The following NTRK2 variants were observed in gnomAD, a reference collection of about 807,000 sequenced individuals.
The protein encoded by NTRK2 is neurotrophic receptor tyrosine kinase 2.
Under a neutral mutation model 94.5 loss-of-function variants are expected in NTRK2, and 13 were observed. The observed-to-expected ratio is 0.14, with a 90% CI of 0.09 to 0.22. The LOEUF is 0.22. Among genes scored for constraint, NTRK2 ranks in the 10% least tolerant of loss-of-function variants. NTRK2 has a pLI of 1.00. For missense variants in NTRK2, 639 were observed against 1,071.2 expected (o/e 0.60, Z 5.63); for synonymous variants, 372 against 407.4 (o/e 0.91, Z 1.05).
chr9:84,982,682 A>T (rs953812926), intron 17 of NTRK2, among the ~76,000 whole-genome samples: 1 of 152,334 alleles, frequency 6.6e-6, no homozygotes, highest in Admixed American at 6.5e-5. Flanking sequence ...TTTTGTACAC[A>T]TTCCATATAA....
intron 4 of NTRK2, among the ~76,000 whole-genome samples, chr9:84,706,608 C>T (rs1481675158): frequency 1.4e-5 from 2 of 145,760 alleles, no homozygotes; most frequent in Non-Finnish European, 3.0e-5. Flanking sequence ...CTGCTCACTG[C>T]AAGCTCTGCC....
chr9:84,742,810 T>G (rs937991202), intron 10 of NTRK2, among the ~76,000 whole-genome samples: 2 of 61,824 alleles, frequency 3.2e-5, no homozygotes, highest in Non-Finnish European at 8.0e-5. Flanking sequence ...TTTTTTTTTT[T>G]TTTTTTCCGA....
At chr9:84,815,694 G>T (rs201804943) in intron 12 of NTRK2, 679 of 1,009,524 alleles carry the variant, frequency 6.7e-4, no homozygotes, top group Non-Finnish European at 7.8e-4. Context: ...AATAAAGTTT[G>T]ATAATTCATC....
At chr9:84,779,234 C>T (rs937122083) in intron 12 of NTRK2, among the ~76,000 whole-genome samples, 1 of 152,280 alleles carries the variant, frequency 6.6e-6, no homozygotes, top group East Asian at 1.9e-4. Flanking sequence ...CCATTGGAAG[C>T]CTGGTGACAT....
At chr9:84,729,247 T>C (rs2062674969) in intron 9 of NTRK2, among the ~76,000 whole-genome samples, 1 of 152,252 alleles carries the variant, frequency 6.6e-6, no homozygotes, top group Admixed American at 6.5e-5. Flanking sequence ...GCTTGCTTAG[T>C]ATATTCAAAA....
At chr9:84,805,272 A>C (rs1462687746) in intron 12 of NTRK2, among the ~76,000 whole-genome samples, 1 of 152,186 alleles carries the variant, frequency 6.6e-6, no homozygotes, top group Admixed American at 6.5e-5. Flanking sequence ...TTTTCCTTTA[A>C]AAGCCTTCCT....
At chr9:84,676,668 C>T (rs2059075913) in intron 2 of NTRK2, among the ~76,000 whole-genome samples, 1 of 152,186 alleles carries the variant, frequency 6.6e-6, no homozygotes, top group Admixed American at 6.5e-5. Context: ...TGCTGGGGGC[C>T]TTTGCTTTAG....
Position 85,024,092 on chromosome 9 carries a change from A to G in NTRK2, c.*2655A>G, listed in dbSNP as rs931593930. ...AATAAAAGGTTCTATGCAAGTGCAA[A>G]GTTTTATAGTTATTTTTATTGCTGA... On this transcript the variant is annotated 3_prime_UTR_variant, in exon 19 of 19. Transcript: ENST00000277120. The G allele has an allele frequency of 1.7e-4, 40 of 229,634 alleles. No homozygotes were observed. The highest frequency in any genetic ancestry group is 4.4e-5 in the African/African-American group (2 of 45,140). The allele number at this position is 229,634 out of a possible 1,614,324, so 14.2% of individuals were successfully genotyped here.
At position 85,020,692 on chromosome 9, in the gene NTRK2, G is replaced by T. The variant is rs74802371; in HGVS notation, c.2331+328G>T. Among the ~76,000 whole-genome samples, 1,274 of 152,212 alleles carry T rather than the reference G, an allele frequency of 8.4e-3. 21 individuals are homozygous for T. Among genetic ancestry groups the T allele is most frequent in the African/African-American group, 0.03 (1,232 of 41,512 alleles). On this transcript the variant is annotated intron_variant, in intron 18 of 18. Transcript: ENST00000277120. The stretch of plus-strand genomic sequence containing the variant: ...ACAGTCCAGCAAGTTCTTTAGTATT[G>T]TTCCAATGAAGTTTCAAGATTCTTT...
intron 12 of NTRK2, among the ~76,000 whole-genome samples, chr9:84,830,372 C>T (rs371588228): frequency 1.5e-4 from 23 of 152,168 alleles, no homozygotes; most frequent in East Asian, 7.7e-4. Flanking sequence ...TAAATATTAG[C>T]ACCACTGGTT....
chr9:84,872,530 CT>C, intron 14 of NTRK2: 1 of 1,065,708 alleles, frequency 9.4e-7, no homozygotes, highest in Non-Finnish European at 1.1e-6. Context: ...TGTGTTTGTA[CT>C]TGCAGAGCAT....
chr9:84,800,417 T>C (rs965369561), intron 12 of NTRK2, among the ~76,000 whole-genome samples: 5 of 152,184 alleles, frequency 3.3e-5, no homozygotes, highest in African/African-American at 1.2e-4. Flanking sequence ...GCCAGGCTGG[T>C]CTTGAACTCC....
intron 14 of NTRK2, chr9:84,873,147 G>T: frequency 9.4e-7 from 1 of 1,063,912 alleles, no homozygotes; most frequent in Non-Finnish European, 1.1e-6. Flanking sequence ...GATGGTCAGA[G>T]GTAGGACTGA....
At chr9:84,877,939 T>C in intron 14 of NTRK2, 1 of 1,013,418 alleles carries the variant, frequency 9.9e-7, no homozygotes, top group South Asian at 4.6e-5. Flanking sequence ...GCTAATACTT[T>C]TTCTTACATA....
At chr9:84,736,506 A>G (rs2063272195) in intron 9 of NTRK2, among the ~76,000 whole-genome samples, 1 of 152,224 alleles carries the variant, frequency 6.6e-6, no homozygotes, top group African/African-American at 2.4e-5. Context: ...AATGTTATGC[A>G]TTAAATAAAG....
intron 17 of NTRK2, among the ~76,000 whole-genome samples, chr9:84,998,894 A>G (rs911955837): frequency 2.6e-5 from 4 of 152,190 alleles, no homozygotes; most frequent in African/African-American, 9.7e-5. Context: ...CAATGTGTGA[A>G]AGGTTGTCCC....
At chr9:84,796,588 T>C (rs2069355407) in intron 12 of NTRK2, among the ~76,000 whole-genome samples, 1 of 152,216 alleles carries the variant, frequency 6.6e-6, no homozygotes, top group Admixed American at 6.5e-5. Context: ...GTAAAGCTAT[T>C]TCAAAAGATG....
At chr9:84,713,370 A>C (rs1208101002) in intron 6 of NTRK2, among the ~76,000 whole-genome samples, 1 of 152,200 alleles carries the variant, frequency 6.6e-6, no homozygotes, top group South Asian at 2.1e-4. Context: ...TATTTTCTGC[A>C]TAGAGATAAC....
rs2131251612 is a variant in NTRK2 at position 84,669,858 on chromosome 9, C to T, written c.-403C>T. The T allele has an allele frequency of 6.6e-6, 1 of 152,544 alleles. No homozygotes were observed. The highest frequency in any genetic ancestry group is 1.9e-4 in the East Asian group (1 of 5,158). The allele number at this position is 152,544 out of a possible 1,614,324, so 9.4% of individuals were successfully genotyped here. On this transcript the variant is annotated 5_prime_UTR_variant, in exon 1 of 19. Coordinates refer to ENST00000277120, the MANE Select transcript of NTRK2 (RefSeq NM_006180.6). This position sits in a 1 kb window ranked among gnomAD's most constrained non-coding sequence, Gnocchi z 4.1. ...GGTAGCAGGAGCCTGGACCCAGGCG[C>T]CGCCGGCGGGCGTGAGGCGCCGGAG...
Sources: allele counts gnomAD v4.1 joint callset (sites outside exome capture counted in the v4.1 genomes callset), GRCh38; gene constraint gnomAD v4.1.1; non-coding constraint Gnocchi (gnomAD v3.1); transcripts MANE v1.5; gene names NCBI Gene and HGNC (gene_info 2026-07-23, HGNC 2026-07-21).